The following FHIP1A variants were observed in gnomAD, a reference collection of about 807,000 sequenced individuals.
FHIP1A encodes FHF complex subunit HOOK-interacting protein 1A.
In FHIP1A, 61 loss-of-function variants were observed where a neutral mutation model predicts 88.6. That is an observed-to-expected ratio of 0.69 (90% CI 0.56 to 0.85). FHIP1A has a LOEUF of 0.85. Among genes scored for constraint, FHIP1A ranks in the 40% least tolerant of loss-of-function variants. FHIP1A has a pLI of 0.00. For missense variants in FHIP1A, 1,154 were observed against 1,273.5 expected (o/e 0.91, Z 1.43); for synonymous variants, 478 against 496.0 (o/e 0.96, Z 0.48).
chr4:151,499,716 C>T (rs762261790), intron 3 of FHIP1A, among the ~76,000 whole-genome samples: 1 of 152,080 alleles, frequency 6.6e-6, no homozygotes, highest in Non-Finnish European at 1.5e-5. Context: ...TTACAATCGT[C>T]GTGGAAGGGG....
At chr4:151,427,398 G>C (rs1302745324) in intron 1 of FHIP1A, among the ~76,000 whole-genome samples, 1 of 152,002 alleles carries the variant, frequency 6.6e-6, no homozygotes, top group Non-Finnish European at 1.5e-5. Context: ...TTAGCTCATG[G>C]AATTAGAATT....
chr4:151,463,486 A>G (rs144907173), intron 2 of FHIP1A, among the ~76,000 whole-genome samples: 4 of 152,330 alleles, frequency 2.6e-5, no homozygotes, highest in Non-Finnish European at 5.9e-5. Flanking sequence ...TGACCTTCCA[A>G]TTAGAAGATT....
chr4:151,511,254 C>G (rs539974868), intron 3 of FHIP1A, among the ~76,000 whole-genome samples: 1 of 152,292 alleles, frequency 6.6e-6, no homozygotes, highest in Non-Finnish European at 1.5e-5. Flanking sequence ...ATATATTATT[C>G]GTCCATGGGG....
chr4:151,556,191 G>A (rs1366624314), intron 3 of FHIP1A, among the ~76,000 whole-genome samples: 1 of 152,090 alleles, frequency 6.6e-6, no homozygotes, highest in South Asian at 2.1e-4. Context: ...CTAGAAAGGA[G>A]CAACTTACAT....
chr4:151,560,759 T>C (rs1733143677), intron 3 of FHIP1A, among the ~76,000 whole-genome samples: 1 of 152,140 alleles, frequency 6.6e-6, no homozygotes. Flanking sequence ...ATAAGAAACT[T>C]TTCTGTTCAA....
chr4:151,461,692 T>G (rs182830754), intron 2 of FHIP1A, among the ~76,000 whole-genome samples: 9 of 152,266 alleles, frequency 5.9e-5, no homozygotes, highest in Admixed American at 5.2e-4. Flanking sequence ...TCCAGGGAAA[T>G]GTGGAGCCAC....
In FHIP1A at chr4:151,480,464, G is replaced by A. The variant is rs900624799; in HGVS notation, c.-247-2060G>A. Among the ~76,000 whole-genome samples the A allele has an allele frequency of 2.6e-5, 4 of 152,182 alleles. No individual in the cohort carries two copies. In the East Asian group the frequency reaches 7.7e-4, roughly 29 times the overall value. The stretch of plus-strand genomic sequence containing the variant: ...GAAAAGGCTTGAAATCACCTGAAAA[G>A]CATCTAGCAGCAATCTGTAATTCTT... On this transcript the variant is annotated intron_variant, in intron 2 of 13. Transcript: ENST00000435205.
intron 7 of FHIP1A, among the ~76,000 whole-genome samples, chr4:151,628,275 C>T (rs1736027676): frequency 6.6e-6 from 1 of 152,104 alleles, no homozygotes. Context: ...GCATGCCTTG[C>T]TTAGATAAAG....
chr4:151,640,408 A>T (rs1402965150), intron 9 of FHIP1A, among the ~76,000 whole-genome samples: 1 of 152,198 alleles, frequency 6.6e-6, no homozygotes, highest in African/African-American at 2.4e-5. Flanking sequence ...AGCAGAAAAC[A>T]AATCCAATCT....
At chr4:151,425,514 A>C (rs1156827554) in intron 1 of FHIP1A, among the ~76,000 whole-genome samples, 2 of 152,170 alleles carry the variant, frequency 1.3e-5, no homozygotes, top group African/African-American at 4.8e-5. Flanking sequence ...ATTTTTTGTT[A>C]AGGAAATAAT....
intron 1 of FHIP1A, among the ~76,000 whole-genome samples, chr4:151,444,804 GA>G (rs1174056871): frequency 6.6e-6 from 1 of 152,106 alleles, no homozygotes; most frequent in Non-Finnish European, 1.5e-5. Context: ...TGCATTGTAA[GA>G]TATACTACAA....
At chr4:151,608,764 G>A (rs948414810) in intron 7 of FHIP1A, among the ~76,000 whole-genome samples, 3 of 152,346 alleles carry the variant, frequency 2.0e-5, no homozygotes, top group Non-Finnish European at 4.4e-5. Flanking sequence ...TCCCAAGACT[G>A]TGGTGGACAT....
rs888498297 is a variant in FHIP1A at position 151,656,382 on chromosome 4, T to G, written c.2702T>G (p.Phe901Cys). 1 of 1,551,624 alleles carries G rather than the reference T, an allele frequency of 6.4e-7. No homozygotes were observed. Among genetic ancestry groups the G allele is most frequent in the African/African-American group, 1.4e-5 (1 of 73,050 alleles). ...RSFLLNTNMV[F>C]QPSVRSLYQV... ...TTTCTGCTCAACACCAACATGGTCT[T>G]CCAGCCAAGCGTCCGCTCTCTCTAT... Residue 901 changes from phenylalanine to cysteine, a missense_variant, in exon 12 of 14, where the codon TTC becomes TGC. By Grantham distance (205) the Phe-to-Cys change is radical. Transcript: ENST00000435205. The surrounding 1 kb of genome is among the most constrained non-coding windows in gnomAD (Gnocchi z 4.2).
chr4:151,665,231 C>A lies in FHIP1A; in HGVS notation c.*2477C>A, dbSNP rs1203638155. On this transcript the variant is annotated 3_prime_UTR_variant, in exon 14 of 14. Coordinates refer to ENST00000435205, the MANE Select transcript of FHIP1A (RefSeq NM_001109977.3). ...GGCTCAAGTGATCGTCCCGCCTTGG[C>A]CTCCCGAAGTGCTGGGATTACAGGT... Among the ~76,000 whole-genome samples, 2 of 152,196 alleles carry A rather than the reference C, an allele frequency of 1.3e-5. No individual in the cohort carries two copies. The highest frequency in any genetic ancestry group is 4.8e-5 in the African/African-American group (2 of 41,450).
intron 3 of FHIP1A, among the ~76,000 whole-genome samples, chr4:151,540,152 A>T (rs1732231920): frequency 6.6e-6 from 1 of 152,242 alleles, no homozygotes; most frequent in Non-Finnish European, 1.5e-5. Flanking sequence ...TTAAATATTT[A>T]AGATAGGAAC....
intron 1 of FHIP1A, among the ~76,000 whole-genome samples, chr4:151,422,034 C>A (rs1733189698): frequency 6.6e-6 from 1 of 151,908 alleles, no homozygotes; most frequent in Non-Finnish European, 1.5e-5. Context: ...TTTTCCTTGG[C>A]TGCACTGTTG....
intron 3 of FHIP1A, among the ~76,000 whole-genome samples, chr4:151,523,500 TTC>T (rs543586194): frequency 2.0e-3 from 308 of 152,324 alleles, no homozygotes; most frequent in African/African-American, 7.1e-3. Context: ...CTCTCTTTTG[TTC>T]TCTGTTTTTT....
In FHIP1A at chr4:151,584,595, G is replaced by A. The variant is rs142348978; in HGVS notation, c.733-2046G>A. Among the ~76,000 whole-genome samples the A allele has an allele frequency of 2.9e-3, 444 of 152,010 alleles. 2 individuals are homozygous for A. The highest frequency in any genetic ancestry group is 9.9e-3 in the African/African-American group (412 of 41,426). On this transcript the variant is annotated intron_variant, in intron 5 of 13. Coordinates refer to ENST00000435205, the MANE Select transcript of FHIP1A (RefSeq NM_001109977.3). Reference sequence around the variant, plus strand: ...GTCCCATCTACATGTTGATGGCTCCGTCTCTAGCCCAGAGCTCTCTTTTAA... The same window carrying A: ...GTCCCATCTACATGTTGATGGCTCCATCTCTAGCCCAGAGCTCTCTTTTAA...
At chr4:151,600,868 G>A (rs745802556) in intron 7 of FHIP1A, among the ~76,000 whole-genome samples, 1 of 152,158 alleles carries the variant, frequency 6.6e-6, no homozygotes, top group Non-Finnish European at 1.5e-5. Flanking sequence ...GATAGAAGCT[G>A]CTAGTCTCCT....
Sources: allele counts gnomAD v4.1 joint callset (sites outside exome capture counted in the v4.1 genomes callset), GRCh38; gene constraint gnomAD v4.1.1; non-coding constraint Gnocchi (gnomAD v3.1); transcripts MANE v1.5; gene names NCBI Gene and HGNC (gene_info 2026-07-23, HGNC 2026-07-21).